The following DAB1 variants were observed in gnomAD, a reference collection of about 807,000 sequenced individuals.
DAB1 encodes the protein disabled homolog 1.
DAB1 carries 15 observed loss-of-function variants against 64.6 expected under a neutral mutation model. The ratio of observed to expected loss-of-function variants is 0.23; its 90% CI spans 0.16 to 0.36. The LOEUF is 0.36. DAB1 is among the 10% of genes least tolerant of loss of function. DAB1 has a pLI of 1.00. For synonymous variants in DAB1, 235 were observed against 251.9 expected (o/e 0.93, Z 0.64); for missense variants, 596 against 706.7 (o/e 0.84, Z 1.78).
chr1:58,056,083 T>G (rs1648056026), intron 5 of DAB1: 3 of 916,002 alleles, frequency 3.3e-6, no homozygotes, highest in Non-Finnish European at 5.3e-6. Flanking sequence ...ATTTCCATTT[T>G]ATTTTTCTCC....
At chr1:57,217,283 A>G (rs1666499990) in intron 2 of DAB1, among the ~76,000 whole-genome samples, 1 of 152,246 alleles carries the variant, frequency 6.6e-6, no homozygotes, top group South Asian at 2.1e-4. Context: ...TAAATTAAAA[A>G]TATGTTCTTT....
chr1:57,183,085 G>T (rs570212115), intron 2 of DAB1, among the ~76,000 whole-genome samples: 2 of 152,024 alleles, frequency 1.3e-5, no homozygotes, highest in Non-Finnish European at 2.9e-5. Flanking sequence ...GACAGCACTG[G>T]GGGTATTTAA....
chr1:57,391,766 AACACACACACAC>A (rs57332880), intron 1 of DAB1, among the ~76,000 whole-genome samples: 70 of 94,642 alleles, frequency 7.4e-4, no homozygotes, highest in East Asian at 1.5e-3. Flanking sequence ...CAGAGGAATA[AACACACACACAC>A]ACACACACAC....
chr1:57,312,092 A>G (rs1570245796), intron 1 of DAB1, among the ~76,000 whole-genome samples: 1 of 152,204 alleles, frequency 6.6e-6, no homozygotes, highest in East Asian at 1.9e-4. Flanking sequence ...CTGTCAAAAG[A>G]AAGGTGAATA....
chr1:57,589,623 GGTGCATGCCTGTAGTCCC>G (rs1645420328), intron 7 of DAB1, among the ~76,000 whole-genome samples: 1 of 152,040 alleles, frequency 6.6e-6, no homozygotes. Flanking sequence ...CAGGTGTGGT[GGTGCATGCCTGTAGTCCC>G]AGCTACTCAG....
At chr1:57,502,341 A>G (rs1458231235) in intron 7 of DAB1, among the ~76,000 whole-genome samples, 1 of 151,102 alleles carries the variant, frequency 6.6e-6, no homozygotes, top group East Asian at 1.9e-4. Flanking sequence ...AAAAAAAAGA[A>G]AGAAAGAAAG....
At chr1:58,363,985 G>A (rs756230424) in intron 3 of DAB1, among the ~76,000 whole-genome samples, 5 of 152,178 alleles carry the variant, frequency 3.3e-5, no homozygotes, top group Admixed American at 1.3e-4. Flanking sequence ...GTAGCTCTAC[G>A]CCTAGAGGTA....
rs761544618 is a variant in DAB1, at chr1:57,120,539, A to T, written c.306+16004T>A. Among the ~76,000 whole-genome samples, 235 of 152,298 alleles carry T rather than the reference A, an allele frequency of 1.5e-3. 1 individual carries two copies. Among genetic ancestry groups the T allele is most frequent in the Middle Eastern group, 3.4e-3 (1 of 294 alleles). On this transcript the variant is annotated intron_variant, in intron 4 of 14. Coordinates refer to ENST00000371236, the MANE Select transcript of DAB1 (RefSeq NM_001365792.1). ...AGTACATTCACATTGTTGTGCAACC[A>T]TCACCACCATCCATCCATTAAACTT...
At chr1:57,370,358 A>G (rs942093955) in intron 1 of DAB1, among the ~76,000 whole-genome samples, 1 of 152,210 alleles carries the variant, frequency 6.6e-6, no homozygotes, top group African/African-American at 2.4e-5. Context: ...TTCAAGTTGC[A>G]GCTTTGCCAG....
intron 4 of DAB1, among the ~76,000 whole-genome samples, chr1:58,198,755 T>C (rs1657832398): frequency 1.3e-5 from 2 of 152,146 alleles, no homozygotes; most frequent in African/African-American, 4.8e-5. Flanking sequence ...AGAACTTTTG[T>C]TTGTACTGTA....
intron 2 of DAB1, among the ~76,000 whole-genome samples, chr1:57,190,193 T>C (rs1330654491): frequency 1.3e-5 from 2 of 151,938 alleles, no homozygotes; most frequent in Non-Finnish European, 2.9e-5. Flanking sequence ...AGAATTTGAG[T>C]TTCTAATCAG....
intron 7 of DAB1, among the ~76,000 whole-genome samples, chr1:57,472,393 C>T (rs1687170373): frequency 2.0e-5 from 3 of 152,158 alleles, no homozygotes; most frequent in Admixed American, 1.3e-4. Flanking sequence ...GTCTTATGCC[C>T]AATTTGTGCC....
At chr1:58,058,351 G>GTGCACTT (rs1187929385) in intron 5 of DAB1, among the ~76,000 whole-genome samples, 1 of 152,084 alleles carries the variant, frequency 6.6e-6, no homozygotes, top group East Asian at 1.9e-4. Flanking sequence ...ATTCTTCCAG[G>GTGCACTT]TGCACTTTGC....
At chr1:58,356,250 G>A (rs997653222) in intron 3 of DAB1, among the ~76,000 whole-genome samples, 1 of 152,154 alleles carries the variant, frequency 6.6e-6, no homozygotes, top group African/African-American at 2.4e-5. Context: ...TCCACAACCT[G>A]TATGTAAAAT....
intron 4 of DAB1, among the ~76,000 whole-genome samples, chr1:57,078,097 A>G (rs1652156067): frequency 1.3e-5 from 2 of 152,218 alleles, no homozygotes; most frequent in African/African-American, 4.8e-5. Flanking sequence ...TGTGCTTGCT[A>G]CATCACGGTG....
At chr1:58,425,212 G>A (rs1436807594) in intron 3 of DAB1, among the ~76,000 whole-genome samples, 3 of 152,214 alleles carry the variant, frequency 2.0e-5, no homozygotes, top group African/African-American at 7.2e-5. Context: ...CAGGTCCAGA[G>A]AGCCTCTTTC....
At chr1:58,188,976 T>C (rs1657238325) in intron 4 of DAB1, among the ~76,000 whole-genome samples, 1 of 152,220 alleles carries the variant, frequency 6.6e-6, no homozygotes, top group Non-Finnish European at 1.5e-5. Flanking sequence ...ATTAGCCTTA[T>C]AATTAGAAGG....
intron 1 of DAB1, among the ~76,000 whole-genome samples, chr1:57,355,575 T>C (rs988107714): frequency 1.3e-5 from 2 of 151,828 alleles, no homozygotes; most frequent in African/African-American, 2.4e-5. Context: ...GTGTGAACAA[T>C]GTTTAGAAAA....
chr1:57,941,483 T>C (rs1645103625), intron 5 of DAB1, among the ~76,000 whole-genome samples: 1 of 152,220 alleles, frequency 6.6e-6, no homozygotes. Flanking sequence ...ATGTGAAACA[T>C]GGTAGAAATT....
Sources: allele counts gnomAD v4.1 joint callset (sites outside exome capture counted in the v4.1 genomes callset), GRCh38; gene constraint gnomAD v4.1.1; transcripts MANE v1.5; gene names NCBI Gene and HGNC (gene_info 2026-07-23, HGNC 2026-07-21).